Variants in KCMF1 observed in about 807,000 individuals in gnomAD.
KCMF1 encodes E3 ubiquitin-protein ligase KCMF1.
In KCMF1, 3 loss-of-function variants were observed where a neutral mutation model predicts 41.1. That is an observed-to-expected ratio of 0.07 (90% CI 0.03 to 0.19). The LOEUF (loss-of-function observed/expected upper bound fraction) is 0.19. Among genes scored for constraint, KCMF1 ranks in the 10% least tolerant of loss-of-function variants. KCMF1 has a pLI of 1.00. For missense variants in KCMF1, 286 were observed against 488.9 expected (o/e 0.58, Z 3.91); for synonymous variants, 142 against 164.5 (o/e 0.86, Z 1.04).
At chr2:85,046,523 T>C (rs1675671329) in intron 5 of KCMF1, among the ~76,000 whole-genome samples, 1 of 151,284 alleles carries the variant, frequency 6.6e-6, no homozygotes, top group East Asian at 1.9e-4. Context: ...GCAGCTACTC[T>C]GGATGCTGAG....
In KCMF1 at chr2:85,054,655, C is replaced by T. The variant is rs1454467864; in HGVS notation, c.*1246C>T. The T allele has an allele frequency of 2.0e-5, 3 of 152,030 alleles. No individual in the cohort carries two copies. Among genetic ancestry groups the T allele is most frequent in the Non-Finnish European group, 4.4e-5 (3 of 68,016 alleles). 9.4% of individuals were successfully genotyped at this position (152,030 alleles called of 1,614,324 possible). ...TTGTGCATAGACTTTCACAATAGCTCCAAGGCAGGGACAGCGGGTTTGGGG... is the reference window on the plus strand; with the variant it reads ...TTGTGCATAGACTTTCACAATAGCTTCAAGGCAGGGACAGCGGGTTTGGGG... On this transcript the variant is annotated 3_prime_UTR_variant, in exon 7 of 7. Transcript: ENST00000409785.
chr2:85,008,272 TATATA>T (rs1378384300), intron 1 of KCMF1, among the ~76,000 whole-genome samples: 1,923 of 113,294 alleles, frequency 0.017, 70 homozygotes, highest in African/African-American at 0.059. Context: ...TCATATATAA[TATATA>T]ATATGATATA....
At chr2:84,995,752 A>G (rs1370524962) in intron 1 of KCMF1, among the ~76,000 whole-genome samples, 1 of 152,216 alleles carries the variant, frequency 6.6e-6, no homozygotes, top group Non-Finnish European at 1.5e-5. Context: ...GGAGTTCAAA[A>G]CAAGCGTGGG....
chr2:85,030,357 G>A (rs1303091010), intron 2 of KCMF1, among the ~76,000 whole-genome samples: 1 of 151,904 alleles, frequency 6.6e-6, no homozygotes, highest in East Asian at 1.9e-4. Context: ...TCCCGTTTAT[G>A]TATTTTTTCA....
At chr2:84,983,838 G>A (rs1295386179) in intron 1 of KCMF1, among the ~76,000 whole-genome samples, 1 of 152,020 alleles carries the variant, frequency 6.6e-6, no homozygotes, top group Admixed American at 6.6e-5. Context: ...TAGAGATGGA[G>A]TCACCCTATG....
At chr2:84,999,775 G>C (rs1674282722) in intron 1 of KCMF1, among the ~76,000 whole-genome samples, 1 of 152,100 alleles carries the variant, frequency 6.6e-6, no homozygotes, top group African/African-American at 2.4e-5. Flanking sequence ...TTTCCACATG[G>C]AAAAATAAAA....
intron 1 of KCMF1, among the ~76,000 whole-genome samples, chr2:84,981,475 C>A (rs1673751698): frequency 6.6e-6 from 1 of 152,096 alleles, no homozygotes; most frequent in Admixed American, 6.6e-5. Flanking sequence ...AGGCGTGAGC[C>A]ACCGCGCCTG....
At chr2:85,034,922 C>G in intron 2 of KCMF1, 94 bp from the exon 3 acceptor site, 1 of 1,104,156 alleles carries the variant, frequency 9.1e-7, no homozygotes, top group Non-Finnish European at 1.3e-6. Context: ...GCTCCTGGCC[C>G]ACACTTTCTT....
chr2:85,023,644 A>G (rs1675011060), intron 1 of KCMF1, among the ~76,000 whole-genome samples: 1 of 152,164 alleles, frequency 6.6e-6, no homozygotes, highest in South Asian at 2.1e-4. Context: ...TTTAAAATTC[A>G]GTTACAAAAA....
chr2:85,007,844 C>T (rs914177429), intron 1 of KCMF1, among the ~76,000 whole-genome samples: 4 of 152,254 alleles, frequency 2.6e-5, no homozygotes, highest in South Asian at 2.1e-4. Context: ...TCACTGCAAC[C>T]GCCACCTCCT....
At chr2:84,989,770 G>A (rs1320526192) in intron 1 of KCMF1, among the ~76,000 whole-genome samples, 1 of 152,156 alleles carries the variant, frequency 6.6e-6, no homozygotes, top group African/African-American at 2.4e-5. Context: ...CAGGAAGCAG[G>A]GAAAAGAGAA....
intron 1 of KCMF1, among the ~76,000 whole-genome samples, chr2:84,981,703 T>C (rs1673757184): frequency 6.6e-6 from 1 of 152,186 alleles, no homozygotes; most frequent in African/African-American, 2.4e-5. Context: ...GACTCTGTCA[T>C]CCTCCCTACT....
At chr2:85,043,209 A>G (rs1347789238) in intron 3 of KCMF1, among the ~76,000 whole-genome samples, 2 of 152,192 alleles carry the variant, frequency 1.3e-5, no homozygotes, top group Non-Finnish European at 2.9e-5. Context: ...ATAGGCTTGT[A>G]TCTGTCTTTA....
intron 1 of KCMF1, 60 bp downstream of exon 1, chr2:84,971,527 C>A: frequency 9.8e-7 from 1 of 1,020,184 alleles, no homozygotes; most frequent in African/African-American, 1.7e-5. Flanking sequence ...CCGCCCGGGC[C>A]GGGCGCGGCG....
intron 1 of KCMF1, among the ~76,000 whole-genome samples, chr2:85,008,282 G>GATATAGAATATATATC (rs1674530005): frequency 1.3e-5 from 1 of 75,826 alleles, no homozygotes; most frequent in African/African-American, 5.7e-5. Context: ...TATATAATAT[G>GATATAGAATATATATC]ATATATAATA....
intron 1 of KCMF1, among the ~76,000 whole-genome samples, chr2:84,973,803 C>G (rs973305758): frequency 1.5e-5 from 2 of 136,112 alleles, no homozygotes; most frequent in Admixed American, 1.5e-4. Context: ...TTCTTTCTTT[C>G]TTTCTTTTTC....
At chr2:84,974,691 A>ATATTTTTTTGTTTT (rs1238471837) in intron 1 of KCMF1, among the ~76,000 whole-genome samples, 1 of 14,676 alleles carries the variant, frequency 6.8e-5, no homozygotes, top group African/African-American at 2.3e-4. Flanking sequence ...ATATATATAT[A>ATATTTTTTTGTTTT]TTTTTTTTTT....
chr2:85,050,372 G>C (rs1029304208), intron 6 of KCMF1, among the ~76,000 whole-genome samples: 2 of 152,084 alleles, frequency 1.3e-5, no homozygotes, highest in Non-Finnish European at 1.5e-5. Context: ...GTTTTCTCCT[G>C]TGAATTTCTA....
intron 6 of KCMF1, among the ~76,000 whole-genome samples, chr2:85,051,332 A>T (rs567883178): frequency 6.6e-6 from 1 of 152,332 alleles, no homozygotes; most frequent in East Asian, 1.9e-4. Flanking sequence ...AAGGAGATCT[A>T]CTAGCGTGCA....
Sources: allele counts gnomAD v4.1 joint callset (sites outside exome capture counted in the v4.1 genomes callset), GRCh38; gene constraint gnomAD v4.1.1; transcripts MANE v1.5; gene names NCBI Gene and HGNC (gene_info 2026-07-23, HGNC 2026-07-21).